The following PRDM10 variants were observed in gnomAD, a reference collection of about 807,000 sequenced individuals.
PRDM10 encodes PR/SET domain 10.
A neutral mutation model predicts 133.1 loss-of-function variants in PRDM10; 65 were observed. The observed-to-expected ratio is 0.49, with a 90% confidence interval of 0.40 to 0.60. The LOEUF (loss-of-function observed/expected upper bound fraction) is 0.60. PRDM10 is among the 20% of genes least tolerant of loss of function. PRDM10 has a pLI of 0.00. For missense variants in PRDM10, 1,137 were observed against 1,507.1 expected (o/e 0.75, Z 4.07); for synonymous variants, 582 against 580.4 (o/e 1.00, Z -0.04).
At chr11:129,978,424 A>G (rs1937909639) in intron 1 of PRDM10, among the ~76,000 whole-genome samples, 1 of 152,214 alleles carries the variant, frequency 6.6e-6, no homozygotes, top group Admixed American at 6.5e-5. Flanking sequence ...TCTAAAACCT[A>G]GTGTGTAGCA....
At chr11:129,906,519 T>A (rs548300226) in intron 19 of PRDM10, among the ~76,000 whole-genome samples, 19 of 152,304 alleles carry the variant, frequency 1.2e-4, no homozygotes, top group African/African-American at 4.1e-4. Context: ...TTGGATAGCA[T>A]AAGAAATCAA....
At chr11:129,904,216 A>T (rs572298508) in intron 20 of PRDM10, among the ~76,000 whole-genome samples, 3 of 150,798 alleles carry the variant, frequency 2.0e-5, no homozygotes, top group Non-Finnish European at 4.4e-5. Flanking sequence ...AAGACTAGTT[A>T]GCTACCCTCT....
chr11:129,918,676 G>A lies in PRDM10; in HGVS notation c.2077C>T (p.Pro693Ser), dbSNP rs762901000. 6.2e-7 allele frequency: 1 copy of A among 1,614,100 alleles called. No individual in the cohort carries two copies. Among genetic ancestry groups the A allele is most frequent in the Admixed American group, 1.7e-5 (1 of 60,008 alleles). Residue 693 changes from proline (P) to serine (S), a missense_variant, in exon 14 of 21, where the codon CCT becomes TCT. By Grantham distance (74) the Pro-to-Ser change is moderately conservative (BLOSUM62 -1). Around this residue, in one of 6 missense-constraint regions of PRDM10, gnomAD observed 78 missense variants for 96.4 expected, o/e 0.81. Transcript: ENST00000360871. The surrounding 1 kb of genome is among the most constrained non-coding windows in gnomAD (Gnocchi z 5.3). ...LREHMQRMHNPEREAKKADRI... is the reference protein window; with the variant it reads ...LREHMQRMHNSEREAKKADRI... ...TCGGCTTTCTTGGCCTCCCTCTCAG[G>A]ATTATGCATCCTCTGCATGTGTTCC... is the stretch of plus-strand genomic sequence containing the variant.
chr11:129,987,357 A>G (rs1056156731), intron 1 of PRDM10, among the ~76,000 whole-genome samples: 4 of 152,184 alleles, frequency 2.6e-5, no homozygotes, highest in African/African-American at 9.7e-5. Flanking sequence ...AATTTCATTC[A>G]AAATTCTGAT....
chr11:130,002,205 AGC>A (rs1206398339), intron 1 of PRDM10, among the ~76,000 whole-genome samples: 1 of 147,462 alleles, frequency 6.8e-6, no homozygotes. Flanking sequence ...CCGCGCCCGG[AGC>A]GCCCGCGCAA....
chr11:129,906,407 A>T (rs1238816539), intron 19 of PRDM10, among the ~76,000 whole-genome samples: 1 of 152,188 alleles, frequency 6.6e-6, no homozygotes, highest in Non-Finnish European at 1.5e-5. Flanking sequence ...GGATCACTCG[A>T]GCATGGGTAA....
intron 11 of PRDM10, among the ~76,000 whole-genome samples, chr11:129,926,759 T>C (rs895984633): frequency 2.6e-5 from 4 of 152,218 alleles, no homozygotes; most frequent in East Asian, 3.8e-4. Flanking sequence ...GTATCATACT[T>C]TATTCTCCTT....
At position 129,958,013 on chromosome 11, in the gene PRDM10, G is replaced by A. The variant is rs367843867; in HGVS notation, c.70-103C>T. 3.0e-6 allele frequency: 4 copies of A among 1,312,336 alleles called. No individual in the cohort carries two copies. The African/African-American group carries it at 5.8e-5, about 19-fold the overall frequency. The allele number at this position is 1,312,336 out of a possible 1,614,324, so 81.3% of individuals were successfully genotyped here. On this transcript the variant is annotated intron_variant, in intron 2 of 20. Coordinates refer to ENST00000360871, the MANE Select transcript of PRDM10 (RefSeq NM_199437.2). Reference sequence around the variant, plus strand: ...AGATCCCCAATGACAGGAGAATGGGGATGGATACACCTTTGTCTACACCGA... The same window carrying A: ...AGATCCCCAATGACAGGAGAATGGGAATGGATACACCTTTGTCTACACCGA...
At chr11:129,930,487 G>C (rs797010563) in intron 11 of PRDM10, among the ~76,000 whole-genome samples, 1 of 152,148 alleles carries the variant, frequency 6.6e-6, no homozygotes, top group Non-Finnish European at 1.5e-5. Flanking sequence ...ACTAACTCTC[G>C]AACTGACAGC....
Position 129,912,068 on chromosome 11 carries a change from T to TACC in PRDM10, c.2982+16_2982+17insGGT. The TACC allele has an allele frequency of 1.9e-6, 3 of 1,584,398 alleles. No homozygotes were observed. The highest frequency in any genetic ancestry group is 2.6e-6 in the Non-Finnish European group (3 of 1,165,614). ...AAGCCATGATAACACCTCCAAATAG[T>TACC]CTGTGGAGCAGGGTACCTGGGCGGA... On this transcript the variant is annotated intron_variant, in intron 18 of 20. Transcript: ENST00000360871.
rs1949844869 is a variant in PRDM10, at chr11:129,901,545, C to T, written c.*768G>A. The stretch of plus-strand genomic sequence containing the variant: ...CACAACCACAGAATGGGAGGCAAAG[C>T]TTTAATGTAGGGGTTTAGATTCTGC... On this transcript the variant is annotated 3_prime_UTR_variant, in exon 21 of 21. Transcript: ENST00000360871. 6.6e-6 allele frequency: 1 copy of T among 152,230 alleles called. No homozygotes were observed. Among genetic ancestry groups the T allele is most frequent in the Non-Finnish European group, 1.5e-5 (1 of 68,026 alleles). 9.4% of individuals were successfully genotyped at this position (152,230 alleles called of 1,614,324 possible). A position where few individuals can be genotyped will look rare whatever the true frequency, so the allele number is the denominator to read the frequency against.
intron 9 of PRDM10, 35 bp from the exon 10 acceptor site, chr11:129,932,266 G>C: frequency 6.2e-7 from 1 of 1,609,066 alleles, no homozygotes; most frequent in African/African-American, 1.3e-5. Context: ...GGTCGTCATG[G>C]TTACATAATA....
chr11:129,938,131 T>C (rs911720711), intron 7 of PRDM10, among the ~76,000 whole-genome samples: 5 of 152,174 alleles, frequency 3.3e-5, no homozygotes, highest in African/African-American at 4.8e-5. Context: ...TCTTTTTTTT[T>C]TCTCCCTAAC....
At chr11:129,915,889 GCAGTATA>G (rs1397230584) in intron 15 of PRDM10, 29 bp from the exon 16 acceptor site, 26 of 1,597,936 alleles carry the variant, frequency 1.6e-5, no homozygotes, top group Non-Finnish European at 2.0e-5. Flanking sequence ...TGCCATGAAA[GCAGTATA>G]CAGTTCCACT....
At chr11:129,925,804 G>C (rs1043517216) in intron 11 of PRDM10, among the ~76,000 whole-genome samples, 2 of 152,176 alleles carry the variant, frequency 1.3e-5, no homozygotes, top group East Asian at 3.9e-4. Context: ...GTTTCTTTTG[G>C]GGGTAATGGA....
chr11:129,905,694 T>C lies in PRDM10; in HGVS notation c.3211A>G (p.Thr1071Ala). 1 of 1,614,222 alleles carries C rather than the reference T, an allele frequency of 6.2e-7. No homozygotes were observed. The highest frequency in any genetic ancestry group is 8.5e-7 in the Non-Finnish European group (1 of 1,180,036). ...ACTGGAGTTGCCACACCACTGTCTG[T>C]AATCACAAACTGACCCGGAGGAAGC... ...MTLPPGQFVI[T>A]DSGVATPVTT... Residue 1071 changes from threonine to alanine, a missense_variant, in exon 20 of 21, where the codon ACA becomes GCA. Coordinates refer to ENST00000360871, the MANE Select transcript of PRDM10 (RefSeq NM_199437.2).
intron 1 of PRDM10, among the ~76,000 whole-genome samples, chr11:129,982,546 A>T (rs1938174198): frequency 6.6e-6 from 1 of 152,154 alleles, no homozygotes; most frequent in African/African-American, 2.4e-5. Context: ...CAAAATGTTA[A>T]CCACGGTTAC....
intron 1 of PRDM10, among the ~76,000 whole-genome samples, chr11:130,002,274 G>C (rs1296489662): frequency 6.6e-6 from 1 of 151,066 alleles, no homozygotes; most frequent in Non-Finnish European, 1.5e-5. Context: ...AACCAACGCG[G>C]GCAGGGGAGG....
intron 1 of PRDM10, among the ~76,000 whole-genome samples, chr11:129,989,827 A>G (rs1379701412): frequency 6.6e-6 from 1 of 152,210 alleles, no homozygotes; most frequent in Non-Finnish European, 1.5e-5. Flanking sequence ...AAAACAGTGT[A>G]ACTACTCGTT....
Sources: gnomAD v4.1 joint callset for allele counts (sites outside exome capture counted in the v4.1 genomes callset) on GRCh38, gnomAD v4.1.1 for gene constraint, gnomAD v4.1.1 regional missense constraint, Gnocchi (gnomAD v3.1) non-coding constraint, MANE v1.5 for transcripts, NCBI Gene and HGNC (gene_info 2026-07-23, HGNC 2026-07-21) for gene names.